Variants in TMEFF1 observed in about 807,000 individuals in gnomAD.
TMEFF1 encodes transmembrane protein with EGF like and two follistatin like domains 1.
Under a neutral mutation model 47.5 loss-of-function variants are expected in TMEFF1, and 20 were observed. The observed-to-expected ratio is 0.42, with a 90% CI of 0.30 to 0.61. The LOEUF (loss-of-function observed/expected upper bound fraction) is 0.61, where lower values mean the gene tolerates loss of function less well. TMEFF1 is among the 20% of genes least tolerant of loss of function. The pLI, the probability that TMEFF1 is intolerant of heterozygous loss-of-function variation, is 0.19. For missense variants in TMEFF1, 411 were observed against 471.1 expected (o/e 0.87, Z 1.18); for synonymous variants, 162 against 166.3 (o/e 0.97, Z 0.20).
chr9:100,513,427 A>G, intron 4 of TMEFF1, 94 bp downstream of exon 4: 1 of 1,423,956 alleles, frequency 7.0e-7, no homozygotes, highest in African/African-American at 1.5e-5. Context: ...GCTTTGAGAT[A>G]TAATTCACAT....
At chr9:100,551,396 C>T (rs1838824657) in intron 7 of TMEFF1, among the ~76,000 whole-genome samples, 3 of 152,134 alleles carry the variant, frequency 2.0e-5, no homozygotes, top group African/African-American at 7.2e-5. Context: ...AAATATGTCT[C>T]CTATGTTGAA....
At chr9:100,544,105 T>TAA (rs1838688906) in intron 5 of TMEFF1, among the ~76,000 whole-genome samples, 2 of 151,774 alleles carry the variant, frequency 1.3e-5, no homozygotes, top group African/African-American at 4.8e-5. Context: ...TATATATATA[T>TAA]AACTTTTTTA....
chr9:100,511,161 T>C (rs866441115), intron 3 of TMEFF1, among the ~76,000 whole-genome samples: 1 of 152,250 alleles, frequency 6.6e-6, no homozygotes, highest in South Asian at 2.1e-4. Context: ...GTGGTTCTTA[T>C]ATACTTCTTT....
At chr9:100,497,320 CTTTTT>C (rs752427622) in intron 1 of TMEFF1, among the ~76,000 whole-genome samples, 20 of 59,550 alleles carry the variant, frequency 3.4e-4, no homozygotes, top group East Asian at 2.2e-3. Flanking sequence ...CCACTCATGT[CTTTTT>C]TTTTTTTTTT....
At chr9:100,568,879 C>T (rs538513419) in intron 8 of TMEFF1, among the ~76,000 whole-genome samples, 47 of 152,246 alleles carry the variant, frequency 3.1e-4, no homozygotes, top group Non-Finnish European at 5.4e-4. Flanking sequence ...CCAGGTTCAT[C>T]CATGTCATAA....
At chr9:100,525,576 G>C (rs1001524949) in intron 5 of TMEFF1, among the ~76,000 whole-genome samples, 9 of 151,822 alleles carry the variant, frequency 5.9e-5, no homozygotes, top group African/African-American at 2.2e-4. Flanking sequence ...CCCGTATTCT[G>C]AGTTTTTAAA....
At chr9:100,549,945 C>T in intron 6 of TMEFF1, 150 bp from the exon 7 acceptor site, 1 of 936,292 alleles carries the variant, frequency 1.1e-6, no homozygotes, top group African/African-American at 1.7e-5. Flanking sequence ...ACAGAAATGA[C>T]ATAATTGATT....
chr9:100,565,356 A>G (rs531032500), intron 8 of TMEFF1, among the ~76,000 whole-genome samples: 102 of 152,154 alleles, frequency 6.7e-4, no homozygotes, highest in African/African-American at 2.4e-3. Context: ...TTTGAATCCC[A>G]CATTCCTCTA....
chr9:100,563,507 C>G (rs573493439), intron 8 of TMEFF1, among the ~76,000 whole-genome samples: 49 of 152,174 alleles, frequency 3.2e-4, no homozygotes, highest in Non-Finnish European at 6.2e-4. Context: ...ATACACTGAC[C>G]TGGCCAATTA....
chr9:100,502,401 C>T (rs536014293), intron 2 of TMEFF1, among the ~76,000 whole-genome samples: 32 of 152,100 alleles, frequency 2.1e-4, no homozygotes, highest in African/African-American at 7.7e-4. Context: ...ACTCTGTTGC[C>T]TAGGCGGGAG....
intron 5 of TMEFF1, among the ~76,000 whole-genome samples, chr9:100,518,111 A>G (rs935659123): frequency 1.3e-5 from 2 of 152,076 alleles, no homozygotes; most frequent in African/African-American, 2.4e-5. Flanking sequence ...AAAAAGATGG[A>G]GGTCTTTTGC....
At chr9:100,557,081 C>T (rs757926481) in intron 7 of TMEFF1, among the ~76,000 whole-genome samples, 1 of 150,198 alleles carries the variant, frequency 6.7e-6, no homozygotes, top group South Asian at 2.1e-4. Flanking sequence ...TCCCCTGCCC[C>T]ATTATCTTGT....
chr9:100,475,453 T>A (rs1837205446), intron 1 of TMEFF1, among the ~76,000 whole-genome samples: 1 of 152,162 alleles, frequency 6.6e-6, no homozygotes, highest in South Asian at 2.1e-4. Flanking sequence ...TAAAAACCAG[T>A]TGTATATTAG....
chr9:100,570,019 T>G (rs1375621251), intron 8 of TMEFF1, among the ~76,000 whole-genome samples: 12 of 152,238 alleles, frequency 7.9e-5, no homozygotes, highest in Admixed American at 7.9e-4. Context: ...GTTCCACATA[T>G]GAGTGGGATC....
At chr9:100,537,472 G>A (rs139993059) in intron 5 of TMEFF1, among the ~76,000 whole-genome samples, 27 of 152,286 alleles carry the variant, frequency 1.8e-4, no homozygotes, top group African/African-American at 5.1e-4. Context: ...AATTAATTAG[G>A]ATGCATGTTT....
intron 5 of TMEFF1, among the ~76,000 whole-genome samples, chr9:100,524,699 C>T (rs1838224164): frequency 6.6e-6 from 1 of 152,146 alleles, no homozygotes; most frequent in South Asian, 2.1e-4. Context: ...TTGAGTTGTT[C>T]TTGCAGCAGG....
rs1838231461 is a variant in TMEFF1, at chr9:100,525,055, C to T, written c.560+8284C>T. 6.6e-5 allele frequency among the ~76,000 whole-genome samples: 10 copies of T among 152,224 alleles called. No homozygotes were observed. In the South Asian group the frequency reaches 2.1e-3, roughly 32 times the overall value. On this transcript the variant is annotated intron_variant, in intron 5 of 9. Coordinates refer to ENST00000374879, the MANE Select transcript of TMEFF1 (RefSeq NM_003692.5). ...CACTAGGCATCTTAGTAATGATGGC[C>T]ATCCACACAGCTGTCTATAGAGTTA... is the stretch of plus-strand genomic sequence containing the variant.
chr9:100,570,238 C>T (rs568364261), intron 8 of TMEFF1, among the ~76,000 whole-genome samples: 6 of 152,158 alleles, frequency 3.9e-5, no homozygotes, highest in South Asian at 2.1e-4. Flanking sequence ...CTGCAATAAA[C>T]GTGGTAGTGC....
intron 5 of TMEFF1, among the ~76,000 whole-genome samples, chr9:100,534,380 A>C (rs1446849775): frequency 6.6e-6 from 1 of 151,760 alleles, no homozygotes; most frequent in Non-Finnish European, 1.5e-5. Flanking sequence ...GATGAGGCAA[A>C]TGTGACTATA....
Sources: gnomAD v4.1 joint callset for allele counts (sites outside exome capture counted in the v4.1 genomes callset) on GRCh38, gnomAD v4.1.1 for gene constraint, MANE v1.5 for transcripts, NCBI Gene and HGNC (gene_info 2026-07-23, HGNC 2026-07-21) for gene names.